PRR14: variants seen among roughly 807,000 people sequenced by gnomAD.
PRR14 encodes the protein proline rich 14.
Under a neutral mutation model 57.2 loss-of-function variants are expected in PRR14, and 33 were observed. The ratio of observed to expected loss-of-function variants is 0.58; its 90% CI spans 0.44 to 0.77. The LOEUF (loss-of-function observed/expected upper bound fraction) is 0.77, where lower values mean the gene tolerates loss of function less well. Among genes scored for constraint, PRR14 ranks in the 30% least tolerant of loss-of-function variants. PRR14 has a pLI of 0.00. For missense variants in PRR14, 716 were observed against 788.1 expected (o/e 0.91, Z 1.10); for synonymous variants, 303 against 314.7 (o/e 0.96, Z 0.39).
Position 30,651,811 on chromosome 16 carries a change from G to T in PRR14, c.39G>T (p.Pro13=). 1 of 1,606,330 alleles carries T rather than the reference G, an allele frequency of 6.2e-7. No homozygotes were observed. Among genetic ancestry groups the T allele is most frequent in the Non-Finnish European group, 8.5e-7 (1 of 1,179,778 alleles). ...CACCCTCCAGCCCGCCTGGCCAGCC[G>T]CGTCTGTGCCGCCAGCCTCTGACTC... The part of the protein sequence containing the change: ...LPGDSSPPGQ[P]RLCRQPLTRA... The change falls in exon 3 of 12, where the codon CCG becomes CCT. Residue 13 remains proline (P), a synonymous_variant. Transcript: ENST00000300835. The surrounding 1 kb of genome is among the most constrained non-coding windows in gnomAD (Gnocchi z 5.0).
Position 30,655,100 on chromosome 16 carries a change from G to A in PRR14, c.1130G>A (p.Arg377Gln), listed in dbSNP as rs1567539530. The A allele has an allele frequency of 6.2e-7, 1 of 1,611,782 alleles. No individual in the cohort carries two copies. Among genetic ancestry groups the A allele is most frequent in the Non-Finnish European group, 8.5e-7 (1 of 1,179,904 alleles). ...ATGGCCCGAGCCCCGCCACCCCCTCGGCCCTGTCTCCGGAAAGAGGTCTTC... is the reference window on the plus strand; with the variant it reads ...ATGGCCCGAGCCCCGCCACCCCCTCAGCCCTGTCTCCGGAAAGAGGTCTTC... ...GEMARAPPPP[R>Q]PCLRKEVFPL... is the part of the protein sequence containing the mutation. Residue 377 changes from arginine (R) to glutamine (Q), a missense_variant, in exon 8 of 12, where the codon CGG becomes CAG. Physicochemically the swap from Arg to Gln is conservative, Grantham distance 43. Transcript: ENST00000300835. The surrounding 1 kb of genome is among the most constrained non-coding windows in gnomAD (Gnocchi z 4.6).
At position 30,654,882 on chromosome 16, in the gene PRR14, C is replaced by T. The variant is rs750933754; in HGVS notation, c.912C>T (p.Ser304=). 6.2e-7 allele frequency: 1 copy of T among 1,609,662 alleles called. No individual in the cohort carries two copies. ...SGAAEGTASV[S]PRPPIRQWRT... Reference sequence around the variant, plus strand: ...CTGCTGAGGGCACTGCGTCTGTCAGCCCCCGGCCCCCAATCCGCCAGTGGC... The same window carrying T: ...CTGCTGAGGGCACTGCGTCTGTCAGTCCCCGGCCCCCAATCCGCCAGTGGC... Residue 304 remains serine (S), a synonymous_variant, in exon 8 of 12, where the codon AGC becomes AGT. Coordinates refer to ENST00000300835, the MANE Select transcript of PRR14 (RefSeq NM_024031.5).
intron 5 of PRR14, 53 bp downstream of exon 5, chr16:30,653,156 A>T (rs1182158697): frequency 1.3e-6 from 2 of 1,522,638 alleles, no homozygotes; most frequent in African/African-American, 1.4e-5. Context: ...TCCAGCAGGG[A>T]TAGAAGGGTA....
In PRR14 at chr16:30,655,700, G is replaced by A. The variant is rs1213767992; in HGVS notation, c.1406+107G>A. ...TCAGGGAGCACAGTCCAGCCTGAAA[G>A]ATTCAATTCGGTGTGGGGATGGTTT... On this transcript the variant is annotated intron_variant, in intron 10 of 11. Coordinates refer to ENST00000300835, the MANE Select transcript of PRR14 (RefSeq NM_024031.5). The surrounding 1 kb of genome is among the most constrained non-coding windows in gnomAD (Gnocchi z 4.6). The A allele has an allele frequency of 7.6e-7, 1 of 1,317,708 alleles. No individual in the cohort carries two copies. Among genetic ancestry groups the A allele is most frequent in the Non-Finnish European group, 1.1e-6 (1 of 919,358 alleles). 81.6% of individuals were successfully genotyped at this position (1,317,708 alleles called of 1,614,324 possible). A position where few individuals can be genotyped will look rare whatever the true frequency, so the allele number is the denominator to read the frequency against.
chr16:30,650,887 C>T (rs756048811), upstream of PRR14: 4 of 403,484 alleles, frequency 9.9e-6, no homozygotes, highest in Non-Finnish European at 2.1e-5. Flanking sequence ...TCTGAACCAT[C>T]TGGTCCCGGG....
At chr16:30,652,192 C>G in intron 3 of PRR14, 2 of 647,998 alleles carry the variant, frequency 3.1e-6, no homozygotes, top group Non-Finnish European at 5.5e-6. Context: ...GAACCACATC[C>G]CTGTAACTCT....
At position 30,653,039 on chromosome 16, in the gene PRR14, G is replaced by A. The variant is rs752101611; in HGVS notation, c.440G>A (p.Arg147Gln). The A allele has an allele frequency of 1.5e-5, 25 of 1,613,720 alleles. No homozygotes were observed. The highest frequency in any genetic ancestry group is 1.6e-4 in the Middle Eastern group (1 of 6,082). Residue 147 changes from arginine (R) to glutamine (Q), a missense_variant, in exon 5 of 12, where the codon CGG (arginine) becomes CAG (glutamine). By Grantham distance (43) the Arg-to-Gln change is conservative. Coordinates refer to ENST00000300835, the MANE Select transcript of PRR14 (RefSeq NM_024031.5). ...PEEGPSQKVD[R>Q]APQPTLVVML... The stretch of plus-strand genomic sequence containing the variant: ...GAGGGCCCTTCACAAAAGGTGGACC[G>A]GGCCCCCCAGCCCACCCTGGTGGTG...
rs757590386 is a variant in PRR14, at chr16:30,652,908, C to T, written c.315-6C>T. Reference sequence around the variant, plus strand: ...AGCCATTTTAATCTTCCTGTTCCCTCGCTAGGCCTCCCGACCCTCTGTGTT... The same window carrying T: ...AGCCATTTTAATCTTCCTGTTCCCTTGCTAGGCCTCCCGACCCTCTGTGTT... On this transcript the variant is annotated splice_region_variant and splice_polypyrimidine_tract_variant and intron_variant, in intron 4 of 11. Coordinates refer to ENST00000300835, the MANE Select transcript of PRR14 (RefSeq NM_024031.5). The T allele has an allele frequency of 1.6e-5, 26 of 1,613,890 alleles. No homozygotes were observed. Among genetic ancestry groups the T allele is most frequent in the South Asian group, 3.3e-5 (3 of 91,054 alleles).
chr16:30,656,328 T>A lies in PRR14; in HGVS notation c.*17T>A. On this transcript the variant is annotated 3_prime_UTR_variant, in exon 12 of 12. Coordinates refer to ENST00000300835, the MANE Select transcript of PRR14 (RefSeq NM_024031.5). The stretch of plus-strand genomic sequence containing the variant: ...TGGACCTAGGTGCCCCATCTGTTGG[T>A]CATCCATCCTGAAGGGACAGGAAAC... 1 of 1,600,772 alleles carries A rather than the reference T, an allele frequency of 6.2e-7. No individual in the cohort carries two copies.
At position 30,652,741 on chromosome 16, in the gene PRR14, G is replaced by C; in HGVS notation, c.213G>C (p.Lys71Asn). ...AVHMVPVVPS[K>N]QTSIPQHHSY... ...TCCAGGTCCCCGTGGTGCCCTCAAAGCAGACCTCCATACCACAGCACCACA... is the reference window on the plus strand; with the variant it reads ...TCCAGGTCCCCGTGGTGCCCTCAAACCAGACCTCCATACCACAGCACCACA... Residue 71 changes from lysine (K) to asparagine (N), a missense_variant, in exon 4 of 12, where the codon AAG becomes AAC. Physicochemically the swap from Lys to Asn is moderately conservative, Grantham distance 94 (BLOSUM62 0). Transcript: ENST00000300835. The C allele has an allele frequency of 6.2e-7, 1 of 1,614,156 alleles. No homozygotes were observed. Among genetic ancestry groups the C allele is most frequent in the Non-Finnish European group, 8.5e-7 (1 of 1,180,028 alleles).
chr16:30,653,626 C>T (rs541871533), intron 6 of PRR14, among the ~76,000 whole-genome samples: 1 of 152,306 alleles, frequency 6.6e-6, no homozygotes, highest in Admixed American at 6.5e-5. Flanking sequence ...GCCTGGGCAA[C>T]CACATCACTG....
At position 30,655,277 on chromosome 16, in the gene PRR14, A is replaced by G; in HGVS notation, c.1244+63A>G. On this transcript the variant is annotated intron_variant, in intron 8 of 11. Coordinates refer to ENST00000300835, the MANE Select transcript of PRR14 (RefSeq NM_024031.5). This position sits in a 1 kb window ranked among gnomAD's most constrained non-coding sequence, Gnocchi z 4.6. ...AGCCTGGTCCCAGCCTCCTTCCCTG[A>G]GTATCCAGTGGGCAGGAGACGGGGG... 6.2e-7 allele frequency: 1 copy of G among 1,601,086 alleles called. No individual in the cohort carries two copies. The highest frequency in any genetic ancestry group is 1.1e-5 in the South Asian group (1 of 90,586).
rs1005716335 is a variant in PRR14, at chr16:30,650,978, G to A, written c.-200G>A. On this transcript the variant is annotated 5_prime_UTR_variant, in exon 1 of 12. Coordinates refer to ENST00000300835, the MANE Select transcript of PRR14 (RefSeq NM_024031.5). ...ACCTCCCGGGATTGGAGTGAAGAGG[G>A]TATCTGCTTGACAGTGGATCCCTGG... 6 of 454,352 alleles carry A rather than the reference G, an allele frequency of 1.3e-5. No individual in the cohort carries two copies. Among genetic ancestry groups the A allele is most frequent in the African/African-American group, 1.2e-4 (6 of 50,154 alleles). The allele number at this position is 454,352 out of a possible 1,614,324, so 28.1% of individuals were successfully genotyped here. A position where few individuals can be genotyped will look rare whatever the true frequency, so the allele number is the denominator to read the frequency against.
chr16:30,655,301 G>T lies in PRR14; in HGVS notation c.1245-50G>T, dbSNP rs2052359093. On this transcript the variant is annotated intron_variant, in intron 8 of 11. Coordinates refer to ENST00000300835, the MANE Select transcript of PRR14 (RefSeq NM_024031.5). The surrounding 1 kb of genome is among the most constrained non-coding windows in gnomAD (Gnocchi z 4.6). ...GAGTATCCAGTGGGCAGGAGACGGG[G>T]GATAATGCAGTGAATCCTGTTTGTC... The T allele has an allele frequency of 6.2e-7, 1 of 1,610,400 alleles. No individual in the cohort carries two copies. The highest frequency in any genetic ancestry group is 1.7e-5 in the Admixed American group (1 of 60,000).
In PRR14 at chr16:30,651,744, C is replaced by T; in HGVS notation, c.24-52C>T. On this transcript the variant is annotated intron_variant, in intron 2 of 11. Coordinates refer to ENST00000300835, the MANE Select transcript of PRR14 (RefSeq NM_024031.5). This position sits in a 1 kb window ranked among gnomAD's most constrained non-coding sequence, Gnocchi z 5.0. ...TCCTGGCGACCGTGCCGGGAAACTA[C>T]AGAGCCAGCGACAGGTTCGGGCGAC... 6.2e-7 allele frequency: 1 copy of T among 1,611,324 alleles called. No individual in the cohort carries two copies. The highest frequency in any genetic ancestry group is 8.5e-7 in the Non-Finnish European group (1 of 1,179,708).
Position 30,655,399 on chromosome 16 carries a change from G to A in PRR14, c.1293G>A (p.Val431=). The A allele has an allele frequency of 6.2e-7, 1 of 1,614,130 alleles. No individual in the cohort carries two copies. The highest frequency in any genetic ancestry group is 8.5e-7 in the Non-Finnish European group (1 of 1,180,018). The stretch of plus-strand genomic sequence containing the variant: ...AGCCAAGAGCCTCAAAGGACCAGGT[G>A]CTTTCAGAACCTGAGACCAAGGTAG... ...GKEPRASKDQ[V]LSEPETKTMG... Residue 431 remains valine, a synonymous_variant, in exon 9 of 12, where the codon GTG becomes GTA. Transcript: ENST00000300835. The surrounding 1 kb of genome is among the most constrained non-coding windows in gnomAD (Gnocchi z 4.6).
At chr16:30,654,507 A>T in intron 7 of PRR14, 122 bp from the exon 8 acceptor site, 1 of 981,334 alleles carries the variant, frequency 1.0e-6, no homozygotes, top group Non-Finnish European at 1.5e-6. Context: ...TTCAATTCTT[A>T]AATGCAGAAC....
Position 30,654,783 on chromosome 16 carries a change from A to AC in PRR14, c.814dup (p.Gln272ProfsTer27). ...TCTTCCTCACGCCCAACAAAACCCC[A>AC]CAGCCCCCACCCCCGTCCCCCCCAA... On this transcript the variant is annotated frameshift_variant, in exon 8 of 12. Coordinates refer to ENST00000300835, the MANE Select transcript of PRR14 (RefSeq NM_024031.5). LOFTEE classifies it high-confidence loss of function. 1.4e-5 allele frequency: 12 copies of AC among 884,478 alleles called. No homozygotes were observed. The highest frequency in any genetic ancestry group is 1.7e-5 in the Non-Finnish European group (10 of 587,146). 54.8% of individuals were successfully genotyped at this position (884,478 alleles called of 1,614,324 possible). A position where few individuals can be genotyped will look rare whatever the true frequency, so the allele number is the denominator to read the frequency against.
intron 7 of PRR14, 110 bp from the exon 8 acceptor site, chr16:30,654,519 T>TA (rs2052345545): frequency 3.0e-6 from 3 of 1,004,696 alleles, no homozygotes; most frequent in Non-Finnish European, 4.5e-6. Flanking sequence ...ATGCAGAACT[T>TA]AGTGTTTTAA....
Sources: gnomAD v4.1 joint callset for allele counts (sites outside exome capture counted in the v4.1 genomes callset) on GRCh38, gnomAD v4.1.1 for gene constraint, Gnocchi (gnomAD v3.1) non-coding constraint, MANE v1.5 for transcripts, NCBI Gene and HGNC (gene_info 2026-07-23, HGNC 2026-07-21) for gene names.